Variants in PCSK6 observed in about 807,000 individuals in gnomAD.
The protein encoded by PCSK6 is proprotein convertase subtilisin/kexin type 6, also known as paired basic amino acid cleaving enzyme 4.
In PCSK6, 85 loss-of-function variants were observed where a neutral mutation model predicts 123.3. The observed-to-expected ratio is 0.69, with a 90% CI of 0.58 to 0.83. PCSK6 has a LOEUF of 0.83. PCSK6 is among the 40% of genes least tolerant of loss of function. The pLI, the probability that PCSK6 is intolerant of heterozygous loss-of-function variation, is 0.00. For synonymous variants in PCSK6, 508 were observed against 516.0 expected, an observed-to-expected ratio of 0.98 and a Z score of 0.21; for missense variants, 1,191 against 1,282.3, an observed-to-expected ratio of 0.93 and a Z score of 1.09.
intron 13 of PCSK6, among the ~76,000 whole-genome samples, chr15:101,348,385 G>A (rs2040798936): frequency 6.6e-6 from 1 of 152,220 alleles, no homozygotes; most frequent in African/African-American, 2.4e-5. Flanking sequence ...GGAGTAAAAC[G>A]TCATCAAAAT....
chr15:101,379,595 A>G (rs1329392543), intron 11 of PCSK6, among the ~76,000 whole-genome samples: 2 of 152,186 alleles, frequency 1.3e-5, no homozygotes, highest in Non-Finnish European at 2.9e-5. Flanking sequence ...CAGGTTCAGG[A>G]CATTCAGGAA....
intron 6 of PCSK6, among the ~76,000 whole-genome samples, chr15:101,402,741 G>C (rs1188856625): frequency 6.6e-6 from 1 of 152,234 alleles, no homozygotes; most frequent in African/African-American, 2.4e-5. Context: ...ACACCAGTTA[G>C]AATGGCAATC....
intron 12 of PCSK6, 30 bp from the exon 13 acceptor site, chr15:101,366,362 A>C: frequency 6.2e-7 from 1 of 1,606,332 alleles, no homozygotes; most frequent in Non-Finnish European, 8.5e-7. Flanking sequence ...GTCAGAAATG[A>C]AGGTGCTGGT....
chr15:101,477,087 G>A (rs1342530731), intron 1 of PCSK6, among the ~76,000 whole-genome samples: 1 of 152,148 alleles, frequency 6.6e-6, no homozygotes, highest in Non-Finnish European at 1.5e-5. Flanking sequence ...TGACCTAAAC[G>A]TCAGGAAAGA....
chr15:101,362,379 G>A (rs2041257341), intron 13 of PCSK6, among the ~76,000 whole-genome samples: 1 of 152,246 alleles, frequency 6.6e-6, no homozygotes, highest in South Asian at 2.1e-4. Context: ...GAGCAGGTCT[G>A]GGTGCAAGAG....
chr15:101,428,386 G>C (rs776099016), intron 5 of PCSK6, among the ~76,000 whole-genome samples: 1 of 152,188 alleles, frequency 6.6e-6, no homozygotes, highest in African/African-American at 2.4e-5. Flanking sequence ...TGGCAGCAGG[G>C]ACACCTGCTG....
At chr15:101,356,043 A>C (rs2041029548) in intron 13 of PCSK6, among the ~76,000 whole-genome samples, 2 of 152,202 alleles carry the variant, frequency 1.3e-5, no homozygotes, top group Admixed American at 6.5e-5. Context: ...CTGATGTCTG[A>C]CGTGGGAGAA....
chr15:101,398,640 G>A lies in PCSK6; in HGVS notation c.824-64C>T, dbSNP rs531517269. On this transcript the variant is annotated intron_variant, in intron 6 of 21. Transcript: ENST00000611716. The surrounding 1 kb of genome is among the most constrained non-coding windows in gnomAD (Gnocchi z 4.6). ...TCCGGGCACACAGCGACGGGAACCC[G>A]GGCCCAGGAGGCTCGGATGAGGACA... 81 of 1,544,986 alleles carry A rather than the reference G, an allele frequency of 5.2e-5. No homozygotes were observed. The Admixed American group carries it at 9.8e-4, about 19-fold the overall frequency.
chr15:101,334,558 A>C (rs12916087), intron 13 of PCSK6: 1 of 152,142 alleles, frequency 6.6e-6, no homozygotes, highest in Non-Finnish European at 1.5e-5. Flanking sequence ...GTCCAGTTAC[A>C]GCCACATTCC....
chr15:101,403,526 G>C (rs2042673110), intron 6 of PCSK6, among the ~76,000 whole-genome samples: 2 of 151,686 alleles, frequency 1.3e-5, no homozygotes, highest in Admixed American at 1.3e-4. Context: ...AAGCACAAAA[G>C]ATTGTATGTC....
chr15:101,481,550 A>G (rs1596172732), intron 1 of PCSK6, among the ~76,000 whole-genome samples: 1 of 152,088 alleles, frequency 6.6e-6, no homozygotes, highest in East Asian at 1.9e-4. Flanking sequence ...GGGCAGGAGG[A>G]GGCCCTGAGG....
intron 5 of PCSK6, among the ~76,000 whole-genome samples, chr15:101,429,089 A>G (rs2056358208): frequency 6.6e-6 from 1 of 152,222 alleles, no homozygotes; most frequent in South Asian, 2.1e-4. Context: ...AATCAAAGCG[A>G]CCACAAACTA....
At chr15:101,366,508 C>A (rs894986587) in intron 12 of PCSK6, among the ~76,000 whole-genome samples, 176 bp from the exon 13 acceptor site, 1 of 152,086 alleles carries the variant, frequency 6.6e-6, no homozygotes, top group Admixed American at 6.5e-5. Flanking sequence ...GAAATGTGAT[C>A]GTCTTTAAGC....
chr15:101,311,333 G>A (rs1304588933), intron 20 of PCSK6, among the ~76,000 whole-genome samples: 2 of 147,186 alleles, frequency 1.4e-5, no homozygotes, highest in Non-Finnish European at 3.0e-5. Context: ...TGCCATGTTG[G>A]CCAGGCTGGT....
At chr15:101,388,480 G>C (rs978427352) in intron 9 of PCSK6, among the ~76,000 whole-genome samples, 1 of 151,896 alleles carries the variant, frequency 6.6e-6, no homozygotes, top group Non-Finnish European at 1.5e-5. Context: ...CGGTTAACTT[G>C]CTTTTCTTTC....
intron 1 of PCSK6, among the ~76,000 whole-genome samples, chr15:101,449,356 A>C (rs2056974053): frequency 6.6e-6 from 1 of 152,102 alleles, no homozygotes; most frequent in African/African-American, 2.4e-5. Flanking sequence ...AGGTTGGTTG[A>C]ATGTGTAGAT....
At chr15:101,320,637 C>A (rs1038331319) in intron 18 of PCSK6, among the ~76,000 whole-genome samples, 7 of 152,254 alleles carry the variant, frequency 4.6e-5, no homozygotes, top group African/African-American at 1.7e-4. Context: ...GCCATGCCCA[C>A]TGCGAATGGC....
chr15:101,481,894 G>A (rs915428835), intron 1 of PCSK6, among the ~76,000 whole-genome samples: 1 of 152,234 alleles, frequency 6.6e-6, no homozygotes, highest in Admixed American at 6.5e-5. Context: ...CCCTCCAATA[G>A]AGAGAGGTGT....
At chr15:101,361,125 C>T (rs1313634438) in intron 13 of PCSK6, among the ~76,000 whole-genome samples, 1 of 150,690 alleles carries the variant, frequency 6.6e-6, no homozygotes, top group Non-Finnish European at 1.5e-5. Context: ...TTAAGACTTC[C>T]GTATCCCTAT....
Sources: gnomAD v4.1 joint callset for allele counts (sites outside exome capture counted in the v4.1 genomes callset) on GRCh38, gnomAD v4.1.1 for gene constraint, Gnocchi (gnomAD v3.1) non-coding constraint, MANE v1.5 for transcripts, NCBI Gene and HGNC (gene_info 2026-07-23, HGNC 2026-07-21) for gene names.